Variants in BCAS1 observed in about 807,000 individuals in gnomAD.
BCAS1 encodes the protein breast carcinoma-amplified sequence 1.
In BCAS1, 46 loss-of-function variants were observed where a neutral mutation model predicts 65.4. The ratio of observed to expected loss-of-function variants is 0.70; its 90% CI spans 0.55 to 0.90. The LOEUF (loss-of-function observed/expected upper bound fraction) is 0.90. BCAS1 is among the 40% of genes least tolerant of loss of function. BCAS1 has a pLI of 0.00. For synonymous variants in BCAS1, 298 were observed against 293.5 expected, an observed-to-expected ratio of 1.02 and a Z score of -0.16; for missense variants, 793 against 771.2, an observed-to-expected ratio of 1.03 and a Z score of -0.33.
In BCAS1 at chr20:54,034,968, G is replaced by A. The variant is rs990242342; in HGVS notation, c.143-5996C>T. On this transcript the variant is annotated intron_variant, in intron 3 of 12. Transcript: ENST00000688948. ...ACCAATGGAACAGAATAGAGAACCC[G>A]GAAATAAGACCACACACCTACAACT... is the stretch of plus-strand genomic sequence containing the variant. 1.3e-4 allele frequency among the ~76,000 whole-genome samples: 19 copies of A among 151,100 alleles called. No homozygotes were observed. The East Asian group carries it at 3.1e-3, about 25-fold the overall frequency.
At chr20:54,042,569 G>T (rs771760293) in intron 3 of BCAS1, among the ~76,000 whole-genome samples, 15 of 152,122 alleles carry the variant, frequency 9.9e-5, no homozygotes, top group Non-Finnish European at 1.9e-4. Flanking sequence ...CTTATAAATA[G>T]ACATGCCTGG....
intron 12 of BCAS1, among the ~76,000 whole-genome samples, chr20:53,951,331 C>T (rs1303481762): frequency 3.9e-5 from 6 of 152,192 alleles, no homozygotes; most frequent in Admixed American, 6.5e-5. Flanking sequence ...ATTAGCCAGG[C>T]GTGGTGGCGC....
intron 1 of BCAS1, among the ~76,000 whole-genome samples, chr20:54,069,508 T>A (rs972406661): frequency 2.6e-5 from 4 of 152,130 alleles, no homozygotes; most frequent in African/African-American, 7.2e-5. Flanking sequence ...TGCACCCTCA[T>A]CCCAGGCCCG....
rs535500737 is a variant in BCAS1, at chr20:54,035,533, A to G, written c.143-6561T>C. Among the ~76,000 whole-genome samples, 7 of 151,276 alleles carry G rather than the reference A, an allele frequency of 4.6e-5. 1 individual carries two copies. Among genetic ancestry groups the G allele is most frequent in the Non-Finnish European group, 8.9e-5 (6 of 67,536 alleles). On this transcript the variant is annotated intron_variant, in intron 3 of 12. Transcript: ENST00000688948. ...ATACCATCTAATACCAGTCAGAATG[A>G]TATTATTAAAAAGTCAAAAAATAAG... is the stretch of plus-strand genomic sequence containing the variant.
In BCAS1 at chr20:54,005,333, C is replaced by CAAAACAAAACAAAACAAAACAAAACAAA. The variant is rs1160830669; in HGVS notation, c.724-9284_724-9283insTTTGTTTTGTTTTGTTTTGTTTTGTTTT. Among the ~76,000 whole-genome samples, 95 of 152,086 alleles carry CAAAACAAAACAAAACAAAACAAAACAAA rather than the reference C, an allele frequency of 6.2e-4. 1 individual carries two copies. In the East Asian group the frequency reaches 0.017, roughly 28 times the overall value. ...CAAAACAAAACAAAACAAAACAAAA[C>CAAAACAAAACAAAACAAAACAAAACAAA]AGAAATTAGCCAGGCATGGTGGCAT... On this transcript the variant is annotated intron_variant, in intron 4 of 12. Coordinates refer to ENST00000688948, the MANE Select transcript of BCAS1 (RefSeq NM_001366298.2).
chr20:53,997,217 C>T (rs2090940282), intron 4 of BCAS1, among the ~76,000 whole-genome samples: 2 of 152,350 alleles, frequency 1.3e-5, no homozygotes, highest in South Asian at 2.1e-4. Flanking sequence ...TCGACAAAGA[C>T]AGGGATAATA....
intron 4 of BCAS1, among the ~76,000 whole-genome samples, chr20:53,998,566 C>T (rs2090978447): frequency 6.6e-6 from 1 of 152,154 alleles, no homozygotes; most frequent in Admixed American, 6.5e-5. Flanking sequence ...CAGTTACCAC[C>T]AAGGAGATGG....
chr20:54,062,943 T>G (rs2092393460), intron 1 of BCAS1, among the ~76,000 whole-genome samples: 1 of 152,234 alleles, frequency 6.6e-6, no homozygotes, highest in South Asian at 2.1e-4. Context: ...TGCCATCTAT[T>G]GGCTGATGTC....
chr20:53,989,861 A>G (rs1206887637), intron 7 of BCAS1, among the ~76,000 whole-genome samples: 1 of 152,200 alleles, frequency 6.6e-6, no homozygotes, highest in Admixed American at 6.5e-5. Flanking sequence ...GCAAAGAATA[A>G]TTTTCTAGCA....
intron 12 of BCAS1, 121 bp downstream of exon 12, chr20:53,953,311 G>T: frequency 7.9e-7 from 1 of 1,271,306 alleles, no homozygotes; most frequent in Non-Finnish European, 1.1e-6. Flanking sequence ...CAAAAACCCT[G>T]AGTGATAGAC....
intron 10 of BCAS1, among the ~76,000 whole-genome samples, chr20:53,957,759 A>G (rs1484021511): frequency 6.6e-6 from 1 of 152,262 alleles, no homozygotes; most frequent in Non-Finnish European, 1.5e-5. Flanking sequence ...TCTGAGATAA[A>G]TGATGACGGT....
chr20:53,968,134 T>C (rs757966010), intron 9 of BCAS1, among the ~76,000 whole-genome samples: 1 of 152,212 alleles, frequency 6.6e-6, no homozygotes, highest in Non-Finnish European at 1.5e-5. Context: ...GCTGAGACTA[T>C]CAGCACACGC....
chr20:54,028,241 A>T (rs2091718499), intron 4 of BCAS1, 151 bp downstream of exon 4: 2 of 725,824 alleles, frequency 2.8e-6, no homozygotes, highest in Admixed American at 4.2e-5. Context: ...TCAGGATGAC[A>T]CTCTGCTGCA....
At chr20:53,966,518 C>G (rs938589173) in intron 10 of BCAS1, among the ~76,000 whole-genome samples, 1 of 152,138 alleles carries the variant, frequency 6.6e-6, no homozygotes, top group Admixed American at 6.5e-5. Flanking sequence ...AGACTGCATA[C>G]TGGCTGTAGT....
intron 3 of BCAS1, 49 bp downstream of exon 3, chr20:54,058,036 C>G (rs769545843): frequency 2.2e-6 from 3 of 1,353,508 alleles, no homozygotes; most frequent in African/African-American, 2.9e-5. Flanking sequence ...CATCTGCAGA[C>G]CCCCCTTCCC....
chr20:54,003,929 T>C (rs563049518), intron 4 of BCAS1, among the ~76,000 whole-genome samples: 2 of 152,348 alleles, frequency 1.3e-5, no homozygotes, highest in South Asian at 4.1e-4. Flanking sequence ...TTAAGCTGGT[T>C]GATTAGAAGG....
At chr20:53,996,600 G>A (rs6127048) in intron 4 of BCAS1, among the ~76,000 whole-genome samples, 10,157 of 152,126 alleles carry the variant, frequency 0.067, 936 homozygotes, top group East Asian at 0.47. Context: ...ACCTCCTCAG[G>A]AGGGTAGGAT....
At chr20:54,062,717 C>G (rs1230439238) in intron 1 of BCAS1, among the ~76,000 whole-genome samples, 1 of 152,214 alleles carries the variant, frequency 6.6e-6, no homozygotes, top group East Asian at 1.9e-4. Context: ...TTATTCTGAT[C>G]ATTGCACACC....
intron 4 of BCAS1, among the ~76,000 whole-genome samples, chr20:54,014,805 T>C (rs765404935): frequency 6.6e-6 from 1 of 152,228 alleles, no homozygotes; most frequent in Non-Finnish European, 1.5e-5. Context: ...TTCGATTTGC[T>C]GGACAACAAT....
Sources: gnomAD v4.1 joint callset for allele counts (sites outside exome capture counted in the v4.1 genomes callset) on GRCh38, gnomAD v4.1.1 for gene constraint, MANE v1.5 for transcripts, NCBI Gene and HGNC (gene_info 2026-07-23, HGNC 2026-07-21) for gene names.